The following TRABD2B variants were observed in gnomAD, a reference collection of about 807,000 sequenced individuals.
TRABD2B encodes the protein metalloprotease TIKI2.
Under a neutral mutation model 40.1 loss-of-function variants are expected in TRABD2B, and 14 were observed. That is an observed-to-expected ratio of 0.35 (90% CI 0.23 to 0.55). The LOEUF (loss-of-function observed/expected upper bound fraction) is 0.55. TRABD2B is among the 20% of genes least tolerant of loss of function. The pLI, the probability that TRABD2B is intolerant of heterozygous loss-of-function variation, is 0.90. For missense variants in TRABD2B, 541 were observed against 648.6 expected (o/e 0.83, Z 1.80); for synonymous variants, 263 against 277.0 (o/e 0.95, Z 0.50).
chr1:47,881,915 C>T (rs528027307), intron 2 of TRABD2B, among the ~76,000 whole-genome samples: 4 of 152,188 alleles, frequency 2.6e-5, no homozygotes, highest in Non-Finnish European at 4.4e-5. Context: ...TGTATGTGGC[C>T]GTTCATCTGC....
At chr1:47,951,718 T>G (rs1463135482) in intron 2 of TRABD2B, among the ~76,000 whole-genome samples, 1 of 152,160 alleles carries the variant, frequency 6.6e-6, no homozygotes, top group Non-Finnish European at 1.5e-5. Flanking sequence ...CCCGGTGTCC[T>G]CTGACCCCTC....
chr1:47,865,937 A>G (rs1214382003), intron 2 of TRABD2B, among the ~76,000 whole-genome samples: 2 of 152,082 alleles, frequency 1.3e-5, no homozygotes, highest in East Asian at 3.9e-4. Context: ...AGGCTTCTCC[A>G]TTCCTCTGTG....
At chr1:47,853,157 C>T (rs1643848839) in intron 2 of TRABD2B, among the ~76,000 whole-genome samples, 1 of 152,170 alleles carries the variant, frequency 6.6e-6, no homozygotes, top group Non-Finnish European at 1.5e-5. Flanking sequence ...GGGCCGAGGG[C>T]CACTCACTGG....
chr1:47,813,641 C>T lies in TRABD2B; in HGVS notation c.667-12022G>A, dbSNP rs1158642259. On this transcript the variant is annotated intron_variant, in intron 2 of 6. Transcript: ENST00000606738. This position sits in a 1 kb window ranked among gnomAD's most constrained non-coding sequence, Gnocchi z 4.3. Reference sequence around the variant, plus strand: ...GTATATTTGTCCTGCCTGCTTGAGACTAGCATTCTAAAAACCTTGTAAAGC... The same window carrying T: ...GTATATTTGTCCTGCCTGCTTGAGATTAGCATTCTAAAAACCTTGTAAAGC... 6.6e-6 allele frequency among the ~76,000 whole-genome samples: 1 copy of T among 152,178 alleles called. No homozygotes were observed. The highest frequency in any genetic ancestry group is 1.9e-4 in the East Asian group (1 of 5,192).
At chr1:47,995,041 G>A (rs971481749) in intron 1 of TRABD2B, among the ~76,000 whole-genome samples, 7 of 152,282 alleles carry the variant, frequency 4.6e-5, no homozygotes, top group African/African-American at 1.2e-4. Flanking sequence ...AACCTTCACC[G>A]GTGGTGTTTC....
chr1:47,788,459 C>A (rs1176976132), intron 4 of TRABD2B, among the ~76,000 whole-genome samples: 2 of 152,136 alleles, frequency 1.3e-5, no homozygotes, highest in East Asian at 3.9e-4. Flanking sequence ...ATGGAGCCAG[C>A]CTCTCTGTCT....
intron 2 of TRABD2B, among the ~76,000 whole-genome samples, chr1:47,919,114 T>C (rs1318752276): frequency 6.6e-6 from 1 of 152,084 alleles, no homozygotes; most frequent in Non-Finnish European, 1.5e-5. Flanking sequence ...ATTATAGGTC[T>C]CCCCAGTTCG....
rs61783235 is a variant in TRABD2B at position 47,763,649 on chromosome 1, C to T, written c.*2253G>A. On this transcript the variant is annotated 3_prime_UTR_variant, in exon 7 of 7. Transcript: ENST00000606738. ...AGTGCCTGGCACAGATCTGGGCACA[C>T]GGTCAGGTGCCTGGACTGTTTACCC... 5,936 of 152,322 alleles carry T rather than the reference C, an allele frequency of 0.039. 163 individuals are homozygous for T. The highest frequency in any genetic ancestry group is 0.064 in the Non-Finnish European group (4,367 of 68,028). The allele number at this position is 152,322 out of a possible 1,614,324, so 9.4% of individuals were successfully genotyped here. A position where few individuals can be genotyped will look rare whatever the true frequency, so the allele number is the denominator to read the frequency against.
chr1:47,891,735 G>T (rs1371469583), intron 2 of TRABD2B, among the ~76,000 whole-genome samples: 1 of 152,146 alleles, frequency 6.6e-6, no homozygotes. Context: ...ATGGGAGGTT[G>T]AGGCTACAGT....
chr1:47,846,639 G>A (rs1157485961), intron 2 of TRABD2B, among the ~76,000 whole-genome samples: 1 of 152,100 alleles, frequency 6.6e-6, no homozygotes, highest in Admixed American at 6.6e-5. Flanking sequence ...GGTCAATTCA[G>A]GGAACAAAAG....
At chr1:47,831,316 G>A (rs1216301537) in intron 2 of TRABD2B, among the ~76,000 whole-genome samples, 1 of 152,188 alleles carries the variant, frequency 6.6e-6, no homozygotes, top group African/African-American at 2.4e-5. Context: ...AGACTGCATG[G>A]AGTTTAAAAG....
chr1:47,957,817 T>A (rs187447780), intron 2 of TRABD2B, among the ~76,000 whole-genome samples: 90 of 152,276 alleles, frequency 5.9e-4, no homozygotes, highest in Middle Eastern at 6.8e-3. Context: ...TTCCCCAACC[T>A]AGCAACGCAG....
intron 2 of TRABD2B, among the ~76,000 whole-genome samples, chr1:47,896,243 CA>C (rs1644519459): frequency 6.6e-6 from 1 of 152,166 alleles, no homozygotes; most frequent in African/African-American, 2.4e-5. Context: ...AGAGGGAAGC[CA>C]GCGGAGGCTT....
intron 2 of TRABD2B, among the ~76,000 whole-genome samples, chr1:47,983,321 G>C (rs1386099149): frequency 6.6e-6 from 1 of 152,058 alleles, no homozygotes; most frequent in African/African-American, 2.4e-5. Flanking sequence ...CAGACACTGG[G>C]GTCTACCTGA....
At chr1:47,801,053 C>T (rs1644817030) in intron 3 of TRABD2B, among the ~76,000 whole-genome samples, 1 of 152,178 alleles carries the variant, frequency 6.6e-6, no homozygotes, top group African/African-American at 2.4e-5. Context: ...GCTGCCCGAC[C>T]AGCTGGTGAC....
intron 2 of TRABD2B, among the ~76,000 whole-genome samples, chr1:47,830,368 A>G (rs4927138): frequency 0.024 from 3,590 of 152,368 alleles, 112 homozygotes; most frequent in Admixed American, 0.094. Context: ...GGGGCTGCAT[A>G]TGCACCAGGC....
At chr1:47,977,596 G>A (rs1645775144) in intron 2 of TRABD2B, among the ~76,000 whole-genome samples, 1 of 151,628 alleles carries the variant, frequency 6.6e-6, no homozygotes, top group Non-Finnish European at 1.5e-5. Context: ...GGAAGTCACA[G>A]CAGGCAGAAA....
intron 2 of TRABD2B, among the ~76,000 whole-genome samples, chr1:47,861,047 C>G (rs1335894383): frequency 6.6e-6 from 1 of 152,168 alleles, no homozygotes; most frequent in African/African-American, 2.4e-5. Context: ...ATCATCTCTT[C>G]CAATTCTCTT....
At chr1:47,791,735 T>A (rs529720161) in intron 4 of TRABD2B, among the ~76,000 whole-genome samples, 1 of 152,154 alleles carries the variant, frequency 6.6e-6, no homozygotes, top group Non-Finnish European at 1.5e-5. Context: ...AGAAATTACA[T>A]GATCATAAGA....
Sources: gnomAD v4.1 joint callset for allele counts (sites outside exome capture counted in the v4.1 genomes callset) on GRCh38, gnomAD v4.1.1 for gene constraint, Gnocchi (gnomAD v3.1) non-coding constraint, MANE v1.5 for transcripts, NCBI Gene and HGNC (gene_info 2026-07-23, HGNC 2026-07-21) for gene names.